The following CACHD1 variants were observed in gnomAD, a reference collection of about 807,000 sequenced individuals.
The protein encoded by CACHD1 is cache domain containing 1, also known as VWFA and cache domain-containing protein 1.
CACHD1 carries 71 observed loss-of-function variants against 138.7 expected under a neutral mutation model. The observed-to-expected ratio is 0.51, with a 90% confidence interval of 0.42 to 0.62. The LOEUF is 0.62. Ranked by LOEUF, CACHD1 falls within the 20% of genes least tolerant of loss-of-function variation. The pLI, the probability that CACHD1 is intolerant of heterozygous loss-of-function variation, is 0.00. For synonymous variants in CACHD1, 578 were observed against 591.5 expected, an observed-to-expected ratio of 0.98 and a Z score of 0.33; for missense variants, 1,389 against 1,625.3, an observed-to-expected ratio of 0.85 and a Z score of 2.50.
intron 13 of CACHD1, 126 bp from the exon 14 acceptor site, chr1:64,663,569 A>T: frequency 7.9e-7 from 1 of 1,259,598 alleles, no homozygotes. Context: ...AAAAAAAGAA[A>T]AAAAGGAAAA....
chr1:64,470,773 C>A lies in CACHD1; in HGVS notation c.29C>A (p.Thr10Lys). MARQPEEEE[T>K]AVARARRPPL... ...GCCCGCCAGCCGGAGGAAGAGGAGA[C>A]GGCCGTGGCCCGGGCGCGGCGGCCG... Residue 10 changes from threonine to lysine, a missense_variant, in exon 1 of 27, where the codon ACG becomes AAG. Transcript: ENST00000651257. The surrounding 1 kb of genome is among the most constrained non-coding windows in gnomAD (Gnocchi z 5.2). The A allele has an allele frequency of 2.3e-6, 2 of 883,056 alleles. No homozygotes were observed. Among genetic ancestry groups the A allele is most frequent in the Non-Finnish European group, 3.4e-6 (2 of 583,246 alleles). The allele number at this position is 883,056 out of a possible 1,614,324, so 54.7% of individuals were successfully genotyped here.
At chr1:64,523,842 G>T (rs1464846873) in intron 1 of CACHD1, among the ~76,000 whole-genome samples, 1 of 138,142 alleles carries the variant, frequency 7.2e-6, no homozygotes, top group East Asian at 2.1e-4. Context: ...TGATTGTGCT[G>T]TTTGTAGAAG....
chr1:64,506,951 A>C (rs1032281724), intron 1 of CACHD1, among the ~76,000 whole-genome samples: 1 of 152,160 alleles, frequency 6.6e-6, no homozygotes, highest in Non-Finnish European at 1.5e-5. Context: ...TAGGAGCTGA[A>C]TTTGCTTTTC....
At chr1:64,526,577 A>AG (rs1553129602) in intron 1 of CACHD1, among the ~76,000 whole-genome samples, 3 of 152,296 alleles carry the variant, frequency 2.0e-5, no homozygotes, top group East Asian at 3.9e-4. Flanking sequence ...AGACTTGAGG[A>AG]GGGGGGTGAG....
intron 4 of CACHD1, among the ~76,000 whole-genome samples, chr1:64,626,816 G>T (rs2100628363): frequency 6.6e-6 from 1 of 152,226 alleles, no homozygotes; most frequent in East Asian, 1.9e-4. Flanking sequence ...GCTATCTTTG[G>T]ATTTCCATAG....
intron 4 of CACHD1, among the ~76,000 whole-genome samples, chr1:64,607,856 G>A (rs1647389070): frequency 6.6e-6 from 1 of 152,132 alleles, no homozygotes; most frequent in Non-Finnish European, 1.5e-5. Flanking sequence ...TGAGGACCAG[G>A]GAATAAGCAT....
At chr1:64,536,812 T>C (rs900898619) in intron 1 of CACHD1, among the ~76,000 whole-genome samples, 1 of 152,202 alleles carries the variant, frequency 6.6e-6, no homozygotes, top group Non-Finnish European at 1.5e-5. Flanking sequence ...GCAAAAACAG[T>C]ATACCAGATG....
intron 3 of CACHD1, among the ~76,000 whole-genome samples, chr1:64,598,236 C>A (rs1647174209): frequency 6.6e-6 from 1 of 152,138 alleles, no homozygotes; most frequent in Admixed American, 6.5e-5. Flanking sequence ...TATCTTAAGC[C>A]CCTATTGACA....
In CACHD1 at chr1:64,640,692, GACACACACACACAC is replaced by G. The variant is rs35423621; in HGVS notation, c.1007-1101_1007-1088del. 1.5e-3 allele frequency among the ~76,000 whole-genome samples: 215 copies of G among 143,706 alleles called. 2 individuals carry two copies. Among genetic ancestry groups the G allele is most frequent in the African/African-American group, 4.8e-3 (180 of 37,892 alleles). The allele number at this position is 143,706 out of a possible 152,430, so 94.3% of individuals were successfully genotyped here. On this transcript the variant is annotated intron_variant, in intron 7 of 26. Transcript: ENST00000651257. Reference sequence around the variant, plus strand: ...CAGTCTTAAAATATATATATATACAGACACACACACACACACACACACACACACACACACACACA... The same window carrying G: ...CAGTCTTAAAATATATATATATACAGACACACACACACACACACACACACA...
At chr1:64,673,504 C>A (rs1557551046) in intron 19 of CACHD1, 40 bp downstream of exon 19, 1 of 1,437,224 alleles carries the variant, frequency 7.0e-7, no homozygotes, top group African/African-American at 1.4e-5. Flanking sequence ...ATTTTTCCAT[C>A]CCATTATGGA....
intron 8 of CACHD1, among the ~76,000 whole-genome samples, chr1:64,642,890 T>A (rs2100661832): frequency 6.6e-6 from 1 of 150,926 alleles, no homozygotes; most frequent in East Asian, 2.0e-4. Context: ...AATACAAAAA[T>A]TAGCTGGGCG....
chr1:64,496,956 G>A (rs951239312), intron 1 of CACHD1, among the ~76,000 whole-genome samples: 72 of 151,596 alleles, frequency 4.7e-4, no homozygotes, highest in African/African-American at 1.7e-3. Context: ...ACATTTTCAA[G>A]ATTAAAGGAG....
rs140118705 is a variant in CACHD1, at chr1:64,620,861, A to G, written c.518-8494A>G. Among the ~76,000 whole-genome samples, 1,140 of 152,270 alleles carry G rather than the reference A, an allele frequency of 7.5e-3. 4 individuals are homozygous for G. The highest frequency in any genetic ancestry group is 0.01 in the Non-Finnish European group (700 of 68,024). On this transcript the variant is annotated intron_variant, in intron 4 of 26. Coordinates refer to ENST00000651257, the MANE Select transcript of CACHD1 (RefSeq NM_020925.4). ...AGATTCTGTCTTCTCCAGACTACCAATGCATTTATGGAACAGAAACTATTA... is the reference window on the plus strand; with the variant it reads ...AGATTCTGTCTTCTCCAGACTACCAGTGCATTTATGGAACAGAAACTATTA...
chr1:64,477,926 G>A (rs1476786480), intron 1 of CACHD1, among the ~76,000 whole-genome samples: 6 of 151,752 alleles, frequency 4.0e-5, no homozygotes, highest in South Asian at 2.1e-4. Context: ...GAGCCACCGC[G>A]CCCGGCCCCC....
chr1:64,553,360 A>G (rs1268999300), intron 2 of CACHD1, among the ~76,000 whole-genome samples: 1 of 152,220 alleles, frequency 6.6e-6, no homozygotes, highest in Non-Finnish European at 1.5e-5. Flanking sequence ...GGTCCTGGAC[A>G]GTACCCAGAA....
chr1:64,483,851 T>G (rs1480763818), intron 1 of CACHD1, among the ~76,000 whole-genome samples: 2 of 126,972 alleles, frequency 1.6e-5, no homozygotes, highest in Non-Finnish European at 3.3e-5. Context: ...CTTTGTGACC[T>G]TATCTTTTAC....
At chr1:64,496,750 A>T (rs1445761270) in intron 1 of CACHD1, among the ~76,000 whole-genome samples, 1 of 151,552 alleles carries the variant, frequency 6.6e-6, no homozygotes, top group African/African-American at 2.4e-5. Flanking sequence ...AGCTTTATTT[A>T]TGGGTCAATT....
At chr1:64,578,990 C>A (rs1646990802) in intron 2 of CACHD1, among the ~76,000 whole-genome samples, 1 of 152,172 alleles carries the variant, frequency 6.6e-6, no homozygotes, top group Admixed American at 6.5e-5. Context: ...AAAACCACTA[C>A]ACTAGGATTA....
At chr1:64,486,327 A>G (rs1646241722) in intron 1 of CACHD1, among the ~76,000 whole-genome samples, 2 of 150,626 alleles carry the variant, frequency 1.3e-5, no homozygotes, top group East Asian at 3.9e-4. Context: ...ATATTCATTT[A>G]TTGTCAAGTT....
Sources: allele counts gnomAD v4.1 joint callset (sites outside exome capture counted in the v4.1 genomes callset), GRCh38; gene constraint gnomAD v4.1.1; non-coding constraint Gnocchi (gnomAD v3.1); transcripts MANE v1.5; gene names NCBI Gene and HGNC (gene_info 2026-07-23, HGNC 2026-07-21).